Variants in COL22A1 observed in about 807,000 individuals in gnomAD.
COL22A1 encodes the protein collagen alpha-1(XXII) chain.
COL22A1 carries 221 observed loss-of-function variants against 248.9 expected under a neutral mutation model. That is an observed-to-expected ratio of 0.89 (90% CI 0.80 to 0.99). The LOEUF is 0.99. Among genes scored for constraint, COL22A1 ranks in the 50% least tolerant of loss-of-function variants. The probability of loss-of-function intolerance (pLI) is 0.00; values close to 1 mark genes in which losing one functional copy is unlikely to be tolerated. For synonymous variants in COL22A1, 891 were observed against 793.4 expected (o/e 1.12, Z -2.07); for missense variants, 2,240 against 2,179.0 (o/e 1.03, Z -0.56).
intron 49 of COL22A1, among the ~76,000 whole-genome samples, chr8:138,632,962 G>A (rs1263104829): frequency 6.6e-6 from 1 of 152,130 alleles, no homozygotes; most frequent in East Asian, 1.9e-4. Flanking sequence ...TGGGGATGGG[G>A]TAAGTGTTTT....
intron 11 of COL22A1, among the ~76,000 whole-genome samples, chr8:138,801,981 T>G: frequency 6.6e-6 from 1 of 152,186 alleles, no homozygotes; most frequent in Non-Finnish European, 1.5e-5. Context: ...AAACTTGTGC[T>G]GTTGATGCTA....
chr8:138,658,235 C>T (rs895455041), intron 44 of COL22A1, among the ~76,000 whole-genome samples: 1 of 152,152 alleles, frequency 6.6e-6, no homozygotes, highest in Non-Finnish European at 1.5e-5. Context: ...TTGTCCAAAC[C>T]CTGCACATTC....
At chr8:138,805,681 G>C (rs567982219) in intron 10 of COL22A1, among the ~76,000 whole-genome samples, 1 of 146,452 alleles carries the variant, frequency 6.8e-6, no homozygotes, top group East Asian at 2.1e-4. Context: ...GTGTGTGATG[G>C]TATGTGTTTG....
intron 1 of COL22A1, among the ~76,000 whole-genome samples, chr8:138,906,368 T>TTAAA (rs1395477731): frequency 9.0e-5 from 1 of 11,154 alleles, no homozygotes; most frequent in African/African-American, 6.7e-4. Context: ...TGACTCCGTC[T>TTAAA]CAAAAAAAAA....
chr8:138,841,103 T>C (rs1820848929), intron 4 of COL22A1, among the ~76,000 whole-genome samples: 1 of 152,160 alleles, frequency 6.6e-6, no homozygotes, highest in African/African-American at 2.4e-5. Flanking sequence ...ATTTTGTCCA[T>C]CCCTCCATCC....
In COL22A1 at chr8:138,602,213, C is replaced by T; in HGVS notation, c.4141-54G>A. The T allele has an allele frequency of 7.5e-6, 12 of 1,590,254 alleles. No homozygotes were observed. The South Asian group carries it at 1.2e-4, about 16-fold the overall frequency. On this transcript the variant is annotated intron_variant, in intron 59 of 64. Transcript: ENST00000303045. ...GCCCCGGGCCCTCTGCACTGGTGTC[C>T]TTGCCTTGCTGGATATTCTTCACAG...
chr8:138,862,569 C>T (rs1209367000), intron 3 of COL22A1, among the ~76,000 whole-genome samples: 1 of 152,062 alleles, frequency 6.6e-6, no homozygotes, highest in African/African-American at 2.4e-5. Flanking sequence ...TTATGTCCTA[C>T]AGAGCACTTA....
At chr8:138,836,762 G>T (rs573319838) in intron 4 of COL22A1, among the ~76,000 whole-genome samples, 10 of 152,312 alleles carry the variant, frequency 6.6e-5, no homozygotes, top group African/African-American at 2.4e-4. Context: ...GCCATGGCTG[G>T]GAAGAGTCCC....
At chr8:138,693,500 T>A in intron 35 of COL22A1, 146 bp downstream of exon 35, 1 of 760,730 alleles carries the variant, frequency 1.3e-6, no homozygotes, top group Admixed American at 2.2e-5. Flanking sequence ...CCGTGCTGAC[T>A]CCCACCAACC....
At chr8:138,593,218 G>T (rs917884099) in intron 63 of COL22A1, among the ~76,000 whole-genome samples, 3 of 152,020 alleles carry the variant, frequency 2.0e-5, no homozygotes, top group Non-Finnish European at 2.9e-5. Flanking sequence ...GGCCTGTCGG[G>T]GGGTGGGGGT....
chr8:138,656,553 G>A (rs1293167591), intron 44 of COL22A1, among the ~76,000 whole-genome samples: 1 of 152,154 alleles, frequency 6.6e-6, no homozygotes, highest in East Asian at 1.9e-4. Context: ...GACCCACTGT[G>A]AGTTGGAGCT....
intron 16 of COL22A1, among the ~76,000 whole-genome samples, chr8:138,772,419 CAGA>C (rs1834449761): frequency 1.3e-5 from 2 of 152,258 alleles, no homozygotes; most frequent in South Asian, 2.1e-4. Context: ...CTAAGCAGCA[CAGA>C]AGGAGAGGCT....
Position 138,725,448 on chromosome 8 carries a change from G to C in COL22A1, c.2140-8C>G. 6.2e-7 allele frequency: 1 copy of C among 1,612,490 alleles called. No individual in the cohort carries two copies. ...AGGGGGTCCTGGAGGGCCCTGTAGA[G>C]AAAGAGCATTTGGTGGGCTACAGAT... On this transcript the variant is annotated splice_polypyrimidine_tract_variant and splice_region_variant and intron_variant, in intron 23 of 64. Transcript: ENST00000303045.
chr8:138,870,178 C>T (rs907127189), intron 3 of COL22A1, among the ~76,000 whole-genome samples: 20 of 150,584 alleles, frequency 1.3e-4, no homozygotes, highest in African/African-American at 4.6e-4. Context: ...TGGAGGGTTG[C>T]GTACATGGCC....
At chr8:138,609,248 G>GCCA (rs1397235031) in intron 56 of COL22A1, among the ~76,000 whole-genome samples, 1 of 152,314 alleles carries the variant, frequency 6.6e-6, no homozygotes, top group Admixed American at 6.5e-5. Flanking sequence ...GAAATGCTAA[G>GCCA]CCACCTGCCT....
intron 37 of COL22A1, among the ~76,000 whole-genome samples, chr8:138,686,310 C>T (rs1826346370): frequency 6.6e-6 from 1 of 152,216 alleles, no homozygotes; most frequent in African/African-American, 2.4e-5. Flanking sequence ...CGACAGGGCT[C>T]TGAACAGCCC....
chr8:138,905,758 T>C (rs1236873416), intron 1 of COL22A1, among the ~76,000 whole-genome samples: 1 of 152,166 alleles, frequency 6.6e-6, no homozygotes, highest in Non-Finnish European at 1.5e-5. Flanking sequence ...TAAAGCCTCC[T>C]CTTGGCCCCT....
chr8:138,591,655 C>A (rs888991808), intron 63 of COL22A1, among the ~76,000 whole-genome samples, 154 bp from the exon 64 acceptor site: 2 of 152,100 alleles, frequency 1.3e-5, no homozygotes, highest in Non-Finnish European at 2.9e-5. Flanking sequence ...CCGCACAGGA[C>A]CCCAATTCCC....
At chr8:138,830,262 A>T (rs1819936587) in intron 5 of COL22A1, among the ~76,000 whole-genome samples, 1 of 152,208 alleles carries the variant, frequency 6.6e-6, no homozygotes, top group African/African-American at 2.4e-5. Flanking sequence ...GCTAAGTGAA[A>T]AGTGTAATAC....
Sources: gnomAD v4.1 joint callset for allele counts (sites outside exome capture counted in the v4.1 genomes callset) on GRCh38, gnomAD v4.1.1 for gene constraint, MANE v1.5 for transcripts, NCBI Gene and HGNC (gene_info 2026-07-23, HGNC 2026-07-21) for gene names.